SLC44A3: variants seen among roughly 807,000 people sequenced by gnomAD.
SLC44A3 encodes choline transporter-like protein 3.
SLC44A3 carries 74 observed loss-of-function variants against 75.4 expected under a neutral mutation model. The ratio of observed to expected loss-of-function variants is 0.98; its 90% confidence interval spans 0.81 to 1.19. The LOEUF (loss-of-function observed/expected upper bound fraction) is 1.19, where lower values mean the gene tolerates loss of function less well. SLC44A3 is among the 50% of genes most tolerant of loss of function. The pLI is 0.00. For synonymous variants in SLC44A3, 310 were observed against 296.9 expected (o/e 1.04, Z -0.45); for missense variants, 700 against 778.6 (o/e 0.90, Z 1.20).
chr1:94,820,532 T>C, intron 1 of SLC44A3, 54 bp downstream of exon 1: 1 of 1,469,638 alleles, frequency 6.8e-7, no homozygotes, highest in South Asian at 1.3e-5. Flanking sequence ...AAGGGTCGAG[T>C]CCCCCGCCTT....
At chr1:94,827,351 T>C in intron 3 of SLC44A3, 156 bp from the exon 4 acceptor site, 3 of 854,086 alleles carry the variant, frequency 3.5e-6, no homozygotes, top group Middle Eastern at 2.3e-4. Context: ...TGACCACCAG[T>C]AGGCATCATA....
intron 12 of SLC44A3, among the ~76,000 whole-genome samples, chr1:94,882,823 C>A (rs956226753): frequency 3.3e-5 from 5 of 150,972 alleles, no homozygotes; most frequent in African/African-American, 7.3e-5. Context: ...CCATCTTTGT[C>A]GCTTCCTCTA....
intron 5 of SLC44A3, among the ~76,000 whole-genome samples, chr1:94,831,642 C>T (rs1445274164): frequency 6.6e-6 from 1 of 152,118 alleles, no homozygotes; most frequent in East Asian, 1.9e-4. Context: ...TTTTGAGTCC[C>T]TCATGTATTC....
chr1:94,879,131 T>C lies in SLC44A3; in HGVS notation c.1482+11714T>C, dbSNP rs112565764. ...AGAAAATAGAGTGAAAATCATCCTA[T>C]AGAATGGGAGAAAATAAATTATATA... On this transcript the variant is annotated intron_variant, in intron 12 of 14. Transcript: ENST00000271227. Among the ~76,000 whole-genome samples, 269 of 151,160 alleles carry C rather than the reference T, an allele frequency of 1.8e-3. 1 individual carries two copies. The highest frequency in any genetic ancestry group is 6.4e-3 in the African/African-American group (263 of 41,168).
chr1:94,861,857 G>T (rs1464994150), intron 10 of SLC44A3, among the ~76,000 whole-genome samples: 1 of 152,198 alleles, frequency 6.6e-6, no homozygotes, highest in Admixed American at 6.5e-5. Flanking sequence ...AGCCATAAAG[G>T]TGGTGTTAGG....
chr1:94,892,375 C>T lies in SLC44A3; in HGVS notation c.1715C>T (p.Ala572Val), dbSNP rs910240955. The T allele has an allele frequency of 6.8e-6, 11 of 1,613,954 alleles. No homozygotes were observed. Among genetic ancestry groups the T allele is most frequent in the Middle Eastern group, 1.6e-4 (1 of 6,084 alleles). ...QVWAVPLLLVAFFAYLVAHSF... is the reference protein window; with the variant it reads ...QVWAVPLLLVVFFAYLVAHSF... ...TGGGCAGTCCCTCTGTTATTGGTAG[C>T]TTTTTTTGCCTACTTAGTAGCCCAT... is the stretch of plus-strand genomic sequence containing the variant. The change falls in exon 14 of 15, where the codon GCT becomes GTT. Residue 572 changes from alanine (A) to valine (V), a missense_variant. Transcript: ENST00000271227.
chr1:94,887,627 A>T (rs978605267), intron 12 of SLC44A3, among the ~76,000 whole-genome samples: 4 of 152,214 alleles, frequency 2.6e-5, no homozygotes, highest in African/African-American at 9.7e-5. Flanking sequence ...GATGGTGCTA[A>T]ATTAAATACG....
Position 94,824,536 on chromosome 1 carries a change from G to C in SLC44A3, c.179G>C (p.Arg60Thr), listed in dbSNP as rs763719798. ...GYSVVAGAAGRLLFGYDSFGN... is the reference protein window; with the variant it reads ...GYSVVAGAAGTLLFGYDSFGN... ...TCGGTGGTGGCTGGAGCCGCGGGAA[G>C]ACTCCTCTTTGGCTATGACAGCTTT... The change falls in exon 3 of 15, where the codon AGA (arginine) becomes ACA (threonine). Residue 60 changes from arginine to threonine, a missense_variant. By Grantham distance (71) the Arg-to-Thr change is moderately conservative. Coordinates refer to ENST00000271227, the MANE Select transcript of SLC44A3 (RefSeq NM_001114106.3). The C allele has an allele frequency of 2.5e-6, 4 of 1,611,496 alleles. No individual in the cohort carries two copies. The South Asian group carries it at 3.3e-5, about 13-fold the overall frequency.
At chr1:94,887,372 C>G (rs201720827) in intron 12 of SLC44A3, among the ~76,000 whole-genome samples, 1 of 145,782 alleles carries the variant, frequency 6.9e-6, no homozygotes, top group Admixed American at 6.9e-5. Context: ...CTAGATCTCT[C>G]TGTTGCACTC....
At position 94,895,091 on chromosome 1, in the gene SLC44A3, TG is replaced by T. The variant is rs1255970092; in HGVS notation, c.*171del. On this transcript the variant is annotated 3_prime_UTR_variant, in exon 15 of 15. Transcript: ENST00000271227. Reference sequence around the variant, plus strand: ...TTATTGTTTGACCAGGTAACAATACTGGAACTATATTAGTTTACCTTTTTTT... The same window carrying T: ...TTATTGTTTGACCAGGTAACAATACTGAACTATATTAGTTTACCTTTTTTT... 1.7e-6 allele frequency: 1 copy of T among 576,184 alleles called. No individual in the cohort carries two copies. The highest frequency in any genetic ancestry group is 3.0e-5 in the Admixed American group (1 of 32,918). 35.7% of individuals were successfully genotyped at this position (576,184 alleles called of 1,614,324 possible). A position where few individuals can be genotyped will look rare whatever the true frequency, so the allele number is the denominator to read the frequency against.
chr1:94,838,050 G>A (rs1027492754), intron 6 of SLC44A3, among the ~76,000 whole-genome samples, 179 bp downstream of exon 6: 3 of 152,256 alleles, frequency 2.0e-5, no homozygotes, highest in Non-Finnish European at 4.4e-5. Flanking sequence ...TAGAGGAGCG[G>A]CTGGCCCTCT....
At chr1:94,884,817 T>C (rs544713348) in intron 12 of SLC44A3, among the ~76,000 whole-genome samples, 109 of 152,316 alleles carry the variant, frequency 7.2e-4, no homozygotes, top group African/African-American at 2.4e-3. Context: ...AAAAAAACGC[T>C]CTTTCTATGT....
chr1:94,848,891 A>AG (rs1378302988), intron 9 of SLC44A3, among the ~76,000 whole-genome samples: 1 of 152,154 alleles, frequency 6.6e-6, no homozygotes, highest in Non-Finnish European at 1.5e-5. Context: ...GGAAATCGCC[A>AG]GGTCAGAAAA....
chr1:94,886,425 C>A (rs1354045265), intron 12 of SLC44A3, among the ~76,000 whole-genome samples: 1 of 152,178 alleles, frequency 6.6e-6, no homozygotes, highest in Non-Finnish European at 1.5e-5. Flanking sequence ...CTCTTCCAGA[C>A]CTGTTTCCCA....
chr1:94,885,619 A>G (rs1382052925), intron 12 of SLC44A3, among the ~76,000 whole-genome samples: 1 of 152,254 alleles, frequency 6.6e-6, no homozygotes, highest in East Asian at 1.9e-4. Flanking sequence ...GTTTTCCAGC[A>G]GATGGGCCTG....
intron 12 of SLC44A3, among the ~76,000 whole-genome samples, chr1:94,890,345 A>G (rs967354933): frequency 2.0e-5 from 3 of 152,102 alleles, no homozygotes; most frequent in Admixed American, 1.3e-4. Context: ...TGGGTCCTCT[A>G]TAAAATTTTC....
chr1:94,845,589 G>A (rs1664304317), intron 9 of SLC44A3, 125 bp downstream of exon 9: 1 of 850,686 alleles, frequency 1.2e-6, no homozygotes, highest in Admixed American at 3.4e-5. Context: ...GATGACAGCA[G>A]CGTTGGTGCT....
chr1:94,832,026 G>C (rs1053380876), intron 5 of SLC44A3, among the ~76,000 whole-genome samples: 2 of 152,166 alleles, frequency 1.3e-5, no homozygotes, highest in Admixed American at 1.3e-4. Flanking sequence ...AATTAGCTGG[G>C]TGTGATGGCA....
intron 5 of SLC44A3, 99 bp downstream of exon 5, chr1:94,828,685 A>C: frequency 2.8e-6 from 3 of 1,057,968 alleles, no homozygotes; most frequent in Non-Finnish European, 4.2e-6. Flanking sequence ...AGGAGATATC[A>C]GAAGAGCCCC....
Sources: gnomAD v4.1 joint callset for allele counts (sites outside exome capture counted in the v4.1 genomes callset) on GRCh38, gnomAD v4.1.1 for gene constraint, MANE v1.5 for transcripts, NCBI Gene and HGNC (gene_info 2026-07-23, HGNC 2026-07-21) for gene names.